The following PRAMEF15 variants were observed in gnomAD, a reference collection of about 807,000 sequenced individuals.
PRAMEF15 encodes the protein PRAME family member 9/15.
PRAMEF15 carries 21 observed loss-of-function variants against 35.3 expected under a neutral mutation model. The observed-to-expected ratio is 0.59, with a 90% CI of 0.42 to 0.86. The LOEUF is 0.86. Among genes scored for constraint, PRAMEF15 ranks in the 40% least tolerant of loss-of-function variants. The probability of loss-of-function intolerance (pLI) is 0.00; values close to 1 mark genes in which losing one functional copy is unlikely to be tolerated. For missense variants in PRAMEF15, 360 were observed against 574.1 expected (o/e 0.63, Z 3.81); for synonymous variants, 122 against 223.3 (o/e 0.55, Z 4.05).
At chr1:13,318,082 T>C (rs1553184878) in intron 1 of PRAMEF15, among the ~76,000 whole-genome samples, 13 of 151,754 alleles carry the variant, frequency 8.6e-5, no homozygotes, top group Non-Finnish European at 1.6e-4. Context: ...CTTGAGTAAT[T>C]AGTAATTTCC....
Position 13,322,137 on chromosome 1 carries a change from G to C in PRAMEF15, c.1310G>C (p.Arg437Thr), listed in dbSNP as rs2100327780. 6.2e-7 allele frequency: 1 copy of C among 1,609,336 alleles called. No individual in the cohort carries two copies. Among genetic ancestry groups the C allele is most frequent in the South Asian group, 1.1e-5 (1 of 90,724 alleles). ...TGCTGGAGCAGATTTGCTCAAATTA[G>C]GGCTGAGCTGATGAACAGAGTGAGG... ...TLCWSRFAQI[R>T]AELMNRVRDL... The change falls in exon 4 of 4, where the codon AGG becomes ACG. Residue 437 changes from arginine to threonine, a missense_variant. Coordinates refer to ENST00000376152, the MANE Select transcript of PRAMEF15 (RefSeq NM_001098376.3).
intron 1 of PRAMEF15, among the ~76,000 whole-genome samples, chr1:13,316,905 A>G (rs1553167216): frequency 8.0e-5 from 12 of 150,150 alleles, no homozygotes; most frequent in African/African-American, 2.8e-4. Flanking sequence ...ACATATTAGT[A>G]AAACTCCATG....
chr1:13,315,600 G>A lies in PRAMEF15; in HGVS notation c.-75G>A, dbSNP rs1472835053. The A allele has an allele frequency of 6.6e-5, 10 of 151,026 alleles. No individual in the cohort carries two copies. Among genetic ancestry groups the A allele is most frequent in the Non-Finnish European group, 7.4e-5 (5 of 67,704 alleles). The allele number at this position is 151,026 out of a possible 1,614,324, so 9.4% of individuals were successfully genotyped here. A position where few individuals can be genotyped will look rare whatever the true frequency, so the allele number is the denominator to read the frequency against. ...GGAGAGACCCAAAGTCTTCAAGCCT[G>A]GAGTTCCTGCTTGGTTCTTCCTGAG... On this transcript the variant is annotated 5_prime_UTR_variant, in exon 1 of 4. Transcript: ENST00000376152.
Position 13,319,605 on chromosome 1 carries a change from G to A in PRAMEF15, c.527G>A (p.Arg176Lys), listed in dbSNP as rs1640054227. Residue 176 changes from arginine (R) to lysine (K), a missense_variant, in exon 3 of 4, where the codon AGG becomes AAG. By Grantham distance (26) the Arg-to-Lys change is conservative (BLOSUM62 2). This residue lies in a region of PRAMEF15 where 36 missense variants were observed against 164.8 expected (regional missense o/e 0.22). Transcript: ENST00000376152. ...TACCTCCTTCTATGGGTCAAGCAGA[G>A]GAAAGATTTACTACACCTGTGCTGT... is the stretch of plus-strand genomic sequence containing the variant. ...LTYLLLWVKQRKDLLHLCCKK... is the reference protein window; with the variant it reads ...LTYLLLWVKQKKDLLHLCCKK... 6.2e-7 allele frequency: 1 copy of A among 1,613,090 alleles called. No homozygotes were observed. Among genetic ancestry groups the A allele is most frequent in the African/African-American group, 1.3e-5 (1 of 74,908 alleles).
Position 13,318,414 on chromosome 1 carries a change from A to G in PRAMEF15, c.7A>G (p.Met3Val). 1.2e-6 allele frequency: 2 copies of G among 1,612,654 alleles called. No homozygotes were observed. The highest frequency in any genetic ancestry group is 1.7e-6 in the Non-Finnish European group (2 of 1,179,912). MK[M>V]SIRTPPRLLE... is the part of the protein sequence containing the mutation. ...AAGTTTTCCCTGCAGATTCATGAAG[A>G]TGAGCATCCGGACTCCACCCAGACT... The change falls in exon 2 of 4, where the codon ATG (methionine) becomes GTG (valine). Residue 3 changes from methionine to valine, a missense_variant. Transcript: ENST00000376152.
Position 13,322,523 on chromosome 1 carries a change from G to C in PRAMEF15, c.*259G>C. 1 of 566,252 alleles carries C rather than the reference G, an allele frequency of 1.8e-6. No homozygotes were observed. The highest frequency in any genetic ancestry group is 2.1e-5 in the South Asian group (1 of 47,438). The allele number at this position is 566,252 out of a possible 1,614,324, so 35.1% of individuals were successfully genotyped here. ...AATGTCTAGAGTGGAATTCAGGCTTGAGAATACATGAGGGAGTTACTCTTG... is the reference window on the plus strand; with the variant it reads ...AATGTCTAGAGTGGAATTCAGGCTTCAGAATACATGAGGGAGTTACTCTTG... On this transcript the variant is annotated 3_prime_UTR_variant, in exon 4 of 4. Transcript: ENST00000376152.
At chr1:13,320,666 C>CCTG (rs1640072367) in intron 3 of PRAMEF15, among the ~76,000 whole-genome samples, 1 of 152,018 alleles carries the variant, frequency 6.6e-6, no homozygotes, top group African/African-American at 2.4e-5. Context: ...TCAGGTGATC[C>CCTG]ACCCACCATG....
At position 13,316,488 on chromosome 1, in the gene PRAMEF15, C is replaced by T. The variant is rs1423560748; in HGVS notation, c.-17+830C>T. Among the ~76,000 whole-genome samples, 760 of 151,888 alleles carry T rather than the reference C, an allele frequency of 5.0e-3. 15 individuals are homozygous for T. The highest frequency in any genetic ancestry group is 3.1e-3 in the Non-Finnish European group (213 of 68,008). Reference sequence around the variant, plus strand: ...ACCGTAATTTTAAACCAATCACATCCTCTTCCACCCAAATGGAGACATGGC... The same window carrying T: ...ACCGTAATTTTAAACCAATCACATCTTCTTCCACCCAAATGGAGACATGGC... On this transcript the variant is annotated intron_variant, in intron 1 of 3. Transcript: ENST00000376152.
intron 1 of PRAMEF15, among the ~76,000 whole-genome samples, 155 bp from the exon 2 acceptor site, chr1:13,318,237 G>A (rs1391582409): frequency 1.3e-5 from 2 of 152,142 alleles, no homozygotes; most frequent in South Asian, 2.1e-4. Context: ...GAGGCAGAAT[G>A]CTGGCTTAAT....
intron 2 of PRAMEF15, among the ~76,000 whole-genome samples, chr1:13,319,027 C>A (rs1161066885): frequency 6.6e-6 from 1 of 152,040 alleles, no homozygotes; most frequent in East Asian, 2.0e-4. Flanking sequence ...AACCCCAACT[C>A]TACTACAAAT....
intron 1 of PRAMEF15, among the ~76,000 whole-genome samples, chr1:13,316,799 C>T (rs1438525873): frequency 1.3e-5 from 2 of 151,690 alleles, no homozygotes; most frequent in Non-Finnish European, 1.5e-5. Flanking sequence ...GGCCAAGGAT[C>T]CCTCAACAAG....
intron 1 of PRAMEF15, among the ~76,000 whole-genome samples, chr1:13,317,245 G>T (rs1239039303): frequency 6.6e-6 from 1 of 151,660 alleles, no homozygotes; most frequent in African/African-American, 2.4e-5. Context: ...AATTTTTGCT[G>T]TCTTAGTAGA....
chr1:13,315,707 T>C (rs1170376517), intron 1 of PRAMEF15, 49 bp downstream of exon 1: 2 of 151,276 alleles, frequency 1.3e-5, no homozygotes, highest in Admixed American at 6.6e-5. Flanking sequence ...CTACAGTCAG[T>C]CGGTCTGGGA....
Position 13,322,514 on chromosome 1 carries a change from T to A in PRAMEF15, c.*250T>A. 1.6e-6 allele frequency: 1 copy of A among 606,564 alleles called. No individual in the cohort carries two copies. The highest frequency in any genetic ancestry group is 2.8e-6 in the Non-Finnish European group (1 of 351,426). The allele number at this position is 606,564 out of a possible 1,614,324, so 37.6% of individuals were successfully genotyped here. ...GGGAATCTGAATGTCTAGAGTGGAA[T>A]TCAGGCTTGAGAATACATGAGGGAG... On this transcript the variant is annotated 3_prime_UTR_variant, in exon 4 of 4. Coordinates refer to ENST00000376152, the MANE Select transcript of PRAMEF15 (RefSeq NM_001098376.3).
chr1:13,315,936 G>T (rs1385829360), intron 1 of PRAMEF15, among the ~76,000 whole-genome samples: 1 of 151,562 alleles, frequency 6.6e-6, no homozygotes, highest in Non-Finnish European at 1.5e-5. Flanking sequence ...AAAGTGGGAG[G>T]ATCATTTCAG....
At chr1:13,316,604 A>T (rs1444938577) in intron 1 of PRAMEF15, among the ~76,000 whole-genome samples, 4 of 151,960 alleles carry the variant, frequency 2.6e-5, no homozygotes, top group African/African-American at 7.3e-5. Flanking sequence ...ACAGTGAGCC[A>T]AGATGGTGCC....
chr1:13,318,292 T>C, intron 1 of PRAMEF15, 100 bp from the exon 2 acceptor site: 1 of 1,590,592 alleles, frequency 6.3e-7, no homozygotes, highest in Non-Finnish European at 8.6e-7. Flanking sequence ...GAGGACTCTT[T>C]CACCATTGCC....
chr1:13,322,189 G>C lies in PRAMEF15; in HGVS notation c.1362G>C (p.Leu454Phe), dbSNP rs1338380424. 2 of 1,608,490 alleles carry C rather than the reference G, an allele frequency of 1.2e-6. No homozygotes were observed. Among genetic ancestry groups the C allele is most frequent in the Non-Finnish European group, 1.7e-6 (2 of 1,179,024 alleles). The change falls in exon 4 of 4, where the codon TTG (leucine) becomes TTC (phenylalanine). Residue 454 changes from leucine to phenylalanine, a missense_variant. Leu to Phe is a conservative substitution (Grantham distance 22, BLOSUM62 0). Around this residue, in one of 8 missense-constraint regions of PRAMEF15, gnomAD observed 147 missense variants for 123.5 expected, o/e 1.19. Transcript: ENST00000376152. ...ACTTAAGGCACCCCAAGAGGATCTT[G>C]TTCTGTACTGACTACTGCCCTGACT... ...VRDLRHPKRI[L>F]FCTDYCPDCG...
intron 2 of PRAMEF15, among the ~76,000 whole-genome samples, 163 bp from the exon 3 acceptor site, chr1:13,319,208 AC>A (rs1360875265): frequency 9.3e-5 from 14 of 150,892 alleles, no homozygotes; most frequent in South Asian, 2.1e-4. Context: ...AAAAAAAAAA[AC>A]AAAACAATGT....
Sources: allele counts gnomAD v4.1 joint callset (sites outside exome capture counted in the v4.1 genomes callset), GRCh38; gene constraint gnomAD v4.1.1; regional missense constraint gnomAD v4.1.1; transcripts MANE v1.5; gene names NCBI Gene and HGNC (gene_info 2026-07-23, HGNC 2026-07-21).